TSPAN5: variants seen among roughly 807,000 people sequenced by gnomAD.
TSPAN5 encodes the protein tetraspanin-5.
Under a neutral mutation model 37.1 loss-of-function variants are expected in TSPAN5, and 10 were observed. That is an observed-to-expected ratio of 0.27 (90% CI 0.17 to 0.46). The LOEUF is 0.46. Ranked by LOEUF, TSPAN5 falls within the 20% of genes least tolerant of loss-of-function variation. TSPAN5 has a pLI of 1.00. For missense variants in TSPAN5, 195 were observed against 326.6 expected, an observed-to-expected ratio of 0.60 and a Z score of 3.11; for synonymous variants, 110 against 118.9, an observed-to-expected ratio of 0.93 and a Z score of 0.48.
intron 1 of TSPAN5, among the ~76,000 whole-genome samples, chr4:98,564,533 C>T (rs915322235): frequency 2.6e-5 from 4 of 151,996 alleles, no homozygotes; most frequent in African/African-American, 9.7e-5. Flanking sequence ...TCCTTTTATC[C>T]CATTATTAAT....
chr4:98,477,662 CTTTT>C (rs61539900), intron 5 of TSPAN5, among the ~76,000 whole-genome samples: 2 of 141,262 alleles, frequency 1.4e-5, no homozygotes, highest in Non-Finnish European at 3.1e-5. Context: ...AGAGAGTTAC[CTTTT>C]TTTTTTTTTT....
intron 7 of TSPAN5, among the ~76,000 whole-genome samples, chr4:98,475,594 G>A (rs997773052): frequency 2.2e-4 from 33 of 152,300 alleles, no homozygotes; most frequent in African/African-American, 7.9e-4. Context: ...ACGATGGAAT[G>A]CCAGTAGGCA....
At chr4:98,556,803 G>T (rs1419583784) in intron 1 of TSPAN5, among the ~76,000 whole-genome samples, 1 of 152,170 alleles carries the variant, frequency 6.6e-6, no homozygotes, top group Non-Finnish European at 1.5e-5. Flanking sequence ...GGACTACTGG[G>T]CTGGGTCTTT....
intron 2 of TSPAN5, among the ~76,000 whole-genome samples, chr4:98,503,162 T>C (rs761723140): frequency 6.6e-6 from 1 of 151,876 alleles, no homozygotes; most frequent in African/African-American, 2.4e-5. Flanking sequence ...AAATCAGCCA[T>C]AGGTGAGGTG....
intron 1 of TSPAN5, among the ~76,000 whole-genome samples, chr4:98,608,642 A>G (rs1339875339): frequency 6.6e-6 from 1 of 152,140 alleles, no homozygotes; most frequent in Non-Finnish European, 1.5e-5. Context: ...CAGAGGCAGC[A>G]TGCTTCTCTC....
chr4:98,602,739 T>C (rs28668773), intron 1 of TSPAN5, among the ~76,000 whole-genome samples: 6,629 of 152,290 alleles, frequency 0.044, 180 homozygotes, highest in East Asian at 0.1. Flanking sequence ...AGCAAGCTGA[T>C]TAAATAGACA....
chr4:98,574,522 G>C (rs1755191499), intron 1 of TSPAN5: 1 of 152,182 alleles, frequency 6.6e-6, no homozygotes, highest in Non-Finnish European at 1.5e-5. Flanking sequence ...CTTAGCATAA[G>C]CTGCAGTGCT....
At chr4:98,637,059 C>T (rs1404684937) in intron 1 of TSPAN5, among the ~76,000 whole-genome samples, 1 of 152,108 alleles carries the variant, frequency 6.6e-6, no homozygotes, top group Middle Eastern at 3.2e-3. Context: ...CATGAGAAGC[C>T]CCATCACCAG....
At chr4:98,645,805 G>C (rs1757054864) in intron 1 of TSPAN5, among the ~76,000 whole-genome samples, 1 of 152,168 alleles carries the variant, frequency 6.6e-6, no homozygotes, top group Non-Finnish European at 1.5e-5. Flanking sequence ...AGTTTTAGGG[G>C]TGTTTCTGGT....
intron 1 of TSPAN5, among the ~76,000 whole-genome samples, chr4:98,526,353 G>A (rs186060282): frequency 7.9e-5 from 12 of 152,298 alleles, no homozygotes; most frequent in Non-Finnish European, 1.5e-4. Context: ...TAGTCATGGC[G>A]AGAGGCAACC....
At chr4:98,521,806 G>C (rs906563639) in intron 1 of TSPAN5, among the ~76,000 whole-genome samples, 1 of 151,724 alleles carries the variant, frequency 6.6e-6, no homozygotes, top group Non-Finnish European at 1.5e-5. Context: ...CTATATATCT[G>C]TGTGTGTTTT....
At chr4:98,581,364 A>C (rs1755365762) in intron 1 of TSPAN5, among the ~76,000 whole-genome samples, 1 of 152,180 alleles carries the variant, frequency 6.6e-6, no homozygotes, top group South Asian at 2.1e-4. Context: ...ATGTTTTACC[A>C]ACCCAGCTGT....
intron 2 of TSPAN5, among the ~76,000 whole-genome samples, chr4:98,502,414 C>T (rs1753373251): frequency 6.6e-6 from 1 of 152,170 alleles, no homozygotes. Context: ...CTAGCAAACA[C>T]ATGTGAGAAG....
chr4:98,475,063 T>G (rs1752664968), intron 7 of TSPAN5, among the ~76,000 whole-genome samples: 1 of 152,256 alleles, frequency 6.6e-6, no homozygotes, highest in African/African-American at 2.4e-5. Context: ...TTGATTACTA[T>G]ATAGCTTTGT....
chr4:98,549,694 G>A (rs1196695448), intron 1 of TSPAN5, among the ~76,000 whole-genome samples: 1 of 152,092 alleles, frequency 6.6e-6, no homozygotes, highest in Admixed American at 6.5e-5. Flanking sequence ...TTTGAAAAAT[G>A]TGTGTTCATG....
At chr4:98,496,812 G>A (rs1753222869) in intron 2 of TSPAN5, 1 of 152,154 alleles carries the variant, frequency 6.6e-6, no homozygotes, top group African/African-American at 2.4e-5. Context: ...TCAGAAGACG[G>A]GAGACATACC....
chr4:98,601,004 A>G (rs1053299930), intron 1 of TSPAN5, among the ~76,000 whole-genome samples: 7 of 152,220 alleles, frequency 4.6e-5, no homozygotes, highest in African/African-American at 1.4e-4. Flanking sequence ...GTACTATAAG[A>G]GCTCTTGGGT....
intron 1 of TSPAN5, among the ~76,000 whole-genome samples, chr4:98,641,860 A>C (rs1039961061): frequency 3.3e-5 from 5 of 152,210 alleles, no homozygotes; most frequent in Non-Finnish European, 7.3e-5. Context: ...CTCCCAGAAG[A>C]GAAGCTCTGT....
intron 1 of TSPAN5, among the ~76,000 whole-genome samples, chr4:98,629,963 C>G (rs1046314840): frequency 6.6e-6 from 1 of 152,182 alleles, no homozygotes; most frequent in South Asian, 2.1e-4. Context: ...TCTTGTCATA[C>G]TTACATAACC....
Sources: gnomAD v4.1 joint callset for allele counts (sites outside exome capture counted in the v4.1 genomes callset) on GRCh38, gnomAD v4.1.1 for gene constraint, MANE v1.5 for transcripts, NCBI Gene and HGNC (gene_info 2026-07-23, HGNC 2026-07-21) for gene names.